Variants in YJEFN3 observed in about 807,000 individuals in gnomAD.
The protein encoded by YJEFN3 is yjeF N-terminal domain-containing protein 3.
Under a neutral mutation model 31.5 loss-of-function variants are expected in YJEFN3, and 29 were observed. The ratio of observed to expected loss-of-function variants is 0.92; its 90% CI spans 0.69 to 1.26. YJEFN3 has a LOEUF of 1.26. Among genes scored for constraint, YJEFN3 ranks in the 50% most tolerant of loss-of-function variants. The probability of loss-of-function intolerance (pLI) is 0.00; values close to 1 mark genes in which losing one functional copy is unlikely to be tolerated. For missense variants in YJEFN3, 442 were observed against 425.4 expected, an observed-to-expected ratio of 1.04 and a Z score of -0.34; for synonymous variants, 227 against 196.1, an observed-to-expected ratio of 1.16 and a Z score of -1.32.
chr19:19,535,832 C>G, intron 6 of YJEFN3, 153 bp downstream of exon 6: 1 of 1,034,826 alleles, frequency 9.7e-7, no homozygotes, highest in Non-Finnish European at 1.4e-6. Flanking sequence ...ACACCCATCC[C>G]TCTGATGGGG....
Position 19,535,347 on chromosome 19 carries a change from C to T in YJEFN3, c.440C>T (p.Pro147Leu). The T allele has an allele frequency of 6.2e-7, 1 of 1,613,806 alleles. No homozygotes were observed. The highest frequency in any genetic ancestry group is 2.2e-5 in the East Asian group (1 of 44,868). The change falls in exon 5 of 7, where the codon CCC becomes CTC. Residue 147 changes from proline to leucine, a missense_variant. Transcript: ENST00000514277. ...TTCTCCCACCCCCAGGAGTATGAAC[C>T]CACCATCTTCTACCCCACACGCTCG... is the stretch of plus-strand genomic sequence containing the variant. The part of the protein sequence containing the change: ...ARHLRVFEYE[P>L]TIFYPTRSLD...
intron 3 of YJEFN3, chr19:19,533,929 C>G: frequency 1.0e-6 from 1 of 985,550 alleles, no homozygotes; most frequent in Non-Finnish European, 1.2e-6. Context: ...GGATCGCAGG[C>G]ATGTTCATGG....
chr19:19,537,452 C>T lies in YJEFN3; in HGVS notation c.828C>T (p.Pro276=), dbSNP rs1372969203. The T allele has an allele frequency of 1.3e-6, 2 of 1,586,518 alleles. No individual in the cohort carries two copies. Among genetic ancestry groups the T allele is most frequent in the Non-Finnish European group, 1.7e-6 (2 of 1,172,658 alleles). The change falls in exon 7 of 7, where the codon CCC becomes CCT. Residue 276 remains proline (P), a synonymous_variant. Transcript: ENST00000514277. ...RHHFVAGRFV[P]DDVRRKFALR... ...ACTTCGTGGCCGGCAGGTTCGTGCC[C>T]GATGACGTGCGCCGCAAGTTCGCTC...
chr19:19,529,033 A>T (rs1365809866), intron 1 of YJEFN3, 42 bp downstream of exon 1: 3 of 1,548,766 alleles, frequency 1.9e-6, no homozygotes, highest in East Asian at 4.9e-5. Context: ...CATGGTTCCC[A>T]TGGGGCCAGG....
chr19:19,528,998 T>C lies in YJEFN3; in HGVS notation c.59+7T>C, dbSNP rs1330566199. The C allele has an allele frequency of 9.0e-6, 14 of 1,550,510 alleles. No individual in the cohort carries two copies. Among genetic ancestry groups the C allele is most frequent in the Non-Finnish European group, 1.1e-5 (13 of 1,146,706 alleles). On this transcript the variant is annotated splice_region_variant and intron_variant, in intron 1 of 6. Coordinates refer to ENST00000514277, the MANE Select transcript of YJEFN3 (RefSeq NM_198537.4). ...AAGAGCGGCATTTCCTCAGGTCAGC[T>C]GGGGAGAGGGAAGCTGGAGACGGGC...
rs1297976107 is a variant in YJEFN3, at chr19:19,534,986, G to A, written c.319-48G>A. 6 of 1,475,984 alleles carry A rather than the reference G, an allele frequency of 4.1e-6. No individual in the cohort carries two copies. The Admixed American group carries it at 1.4e-4, about 34-fold the overall frequency. 91.4% of individuals were successfully genotyped at this position (1,475,984 alleles called of 1,614,324 possible). A position where few individuals can be genotyped will look rare whatever the true frequency, so the allele number is the denominator to read the frequency against. ...GGCCTCAGTTTCCTCTCCAGGCAAG[G>A]AGGAATCTGGACTGTGCCTGTGCCT... is the stretch of plus-strand genomic sequence containing the variant. On this transcript the variant is annotated intron_variant, in intron 3 of 6. Coordinates refer to ENST00000514277, the MANE Select transcript of YJEFN3 (RefSeq NM_198537.4). This position sits in a 1 kb window ranked among gnomAD's most constrained non-coding sequence, Gnocchi z 4.6.
In YJEFN3 at chr19:19,535,696, G is replaced by A; in HGVS notation, c.694+17G>A. The A allele has an allele frequency of 6.5e-7, 1 of 1,545,580 alleles. No individual in the cohort carries two copies. Among genetic ancestry groups the A allele is most frequent in the Non-Finnish European group, 8.7e-7 (1 of 1,147,218 alleles). ...TCCCCTCAGGCATGCCAGGCAGAGG[G>A]GGGCACATTGGGGCCTGGGGGGCTT... On this transcript the variant is annotated intron_variant, in intron 6 of 6. Coordinates refer to ENST00000514277, the MANE Select transcript of YJEFN3 (RefSeq NM_198537.4).
chr19:19,532,832 C>T (rs2061171741), intron 3 of YJEFN3, 92 bp downstream of exon 3: 5 of 1,167,974 alleles, frequency 4.3e-6, no homozygotes, highest in Non-Finnish European at 5.9e-6. Flanking sequence ...GTTCACCCCT[C>T]AAGAACTCCC....
intron 6 of YJEFN3, chr19:19,536,027 C>T (rs986977953): frequency 4.4e-5 from 23 of 526,644 alleles, no homozygotes; most frequent in South Asian, 7.8e-5. Flanking sequence ...GACAGGCAGA[C>T]GGAACAAACA....
chr19:19,535,283 C>A, intron 4 of YJEFN3, 54 bp from the exon 5 acceptor site: 1 of 1,568,584 alleles, frequency 6.4e-7, no homozygotes, highest in South Asian at 1.1e-5. Flanking sequence ...CAGGCAGGGT[C>A]TGGTGCTGGT....
chr19:19,535,453 C>A lies in YJEFN3; in HGVS notation c.543+3C>A. 6.2e-7 allele frequency: 1 copy of A among 1,613,918 alleles called. No individual in the cohort carries two copies. Among genetic ancestry groups the A allele is most frequent in the Non-Finnish European group, 8.5e-7 (1 of 1,179,926 alleles). ...TCCTGAGCTACCTGCCCACTGAGGT[C>A]AGCGCTGGGTGGCAAGCAAGGGGGA... is the stretch of plus-strand genomic sequence containing the variant. On this transcript the variant is annotated splice_donor_region_variant and intron_variant, in intron 5 of 6. Transcript: ENST00000514277.
At chr19:19,536,594 G>A (rs913198215) in intron 6 of YJEFN3, among the ~76,000 whole-genome samples, 84 of 152,242 alleles carry the variant, frequency 5.5e-4, no homozygotes, top group African/African-American at 1.9e-3. Context: ...CAGGAGAATC[G>A]CTTGAACCCG....
At chr19:19,536,553 C>G (rs1004000371) in intron 6 of YJEFN3, among the ~76,000 whole-genome samples, 1 of 151,954 alleles carries the variant, frequency 6.6e-6, no homozygotes, top group African/African-American at 2.4e-5. Flanking sequence ...GTGGTGCACG[C>G]CTGTAGTCCT....
At chr19:19,536,616 T>TGAG (rs2061212087) in intron 6 of YJEFN3, among the ~76,000 whole-genome samples, 1 of 151,556 alleles carries the variant, frequency 6.6e-6, no homozygotes, top group Non-Finnish European at 1.5e-5. Context: ...GAGGCAGAGG[T>TGAG]TGCTGTGAGC....
Position 19,531,718 on chromosome 19 carries a change from C to CTTTTTTTTTTTTTTTTTT in YJEFN3, c.210-901_210-884dup, listed in dbSNP as rs56747140. ...GCCACATTTTCTGGCAACAAATAACCTTTTTTTTTTTTTTTTTTTTTTTTT... is the reference window on the plus strand; with the variant it reads ...GCCACATTTTCTGGCAACAAATAACCTTTTTTTTTTTTTTTTTTTTTTTTTTTTTTTTTTTTTTTTTTT... On this transcript the variant is annotated intron_variant, in intron 2 of 6. Coordinates refer to ENST00000514277, the MANE Select transcript of YJEFN3 (RefSeq NM_198537.4). Among the ~76,000 whole-genome samples, 40 of 75,862 alleles carry CTTTTTTTTTTTTTTTTTT rather than the reference C, an allele frequency of 5.3e-4. 2 individuals carry two copies. The highest frequency in any genetic ancestry group is 2.9e-3 in the African/African-American group (38 of 13,252). 49.8% of individuals were successfully genotyped at this position (75,862 alleles called of 152,430 possible).
chr19:19,530,174 C>T (rs1399746605), intron 2 of YJEFN3, among the ~76,000 whole-genome samples: 1 of 152,144 alleles, frequency 6.6e-6, no homozygotes, highest in Non-Finnish European at 1.5e-5. Context: ...AGTGTCAGGC[C>T]CAGTTCCCTT....
In YJEFN3 at chr19:19,534,879, C is replaced by T. The variant is rs1445887916; in HGVS notation, c.319-155C>T. 3 of 505,662 alleles carry T rather than the reference C, an allele frequency of 5.9e-6. No homozygotes were observed. Among genetic ancestry groups the T allele is most frequent in the Non-Finnish European group, 9.9e-6 (3 of 302,434 alleles). 31.3% of individuals were successfully genotyped at this position (505,662 alleles called of 1,614,324 possible). A position where few individuals can be genotyped will look rare whatever the true frequency, so the allele number is the denominator to read the frequency against. The stretch of plus-strand genomic sequence containing the variant: ...GCGGGGAAACTGAGGCCCCAAGAGG[C>T]CCAACCCCTCATCCAGAACAGCTCA... On this transcript the variant is annotated intron_variant, in intron 3 of 6. Transcript: ENST00000514277. The surrounding 1 kb of genome is among the most constrained non-coding windows in gnomAD (Gnocchi z 4.6).
At chr19:19,533,967 G>A in intron 3 of YJEFN3, 1 of 985,574 alleles carries the variant, frequency 1.0e-6, no homozygotes, top group African/African-American at 1.7e-5. Flanking sequence ...AAGCCTTTGG[G>A]GAGGATACTT....
chr19:19,535,756 C>T (rs1253105119), intron 6 of YJEFN3, 77 bp downstream of exon 6: 3 of 1,512,474 alleles, frequency 2.0e-6, no homozygotes, highest in Admixed American at 2.0e-5. Flanking sequence ...TCCTGGTCGC[C>T]CCTGCCTGTC....
Sources: allele counts gnomAD v4.1 joint callset (sites outside exome capture counted in the v4.1 genomes callset), GRCh38; gene constraint gnomAD v4.1.1; non-coding constraint Gnocchi (gnomAD v3.1); transcripts MANE v1.5; gene names NCBI Gene and HGNC (gene_info 2026-07-23, HGNC 2026-07-21).